Variants in ADGRL3 observed in about 807,000 individuals in gnomAD.
The protein encoded by ADGRL3 is calcium-independent alpha-latrotoxin receptor 3.
A neutral mutation model predicts 153.5 loss-of-function variants in ADGRL3; 62 were observed. The observed-to-expected ratio is 0.40, with a 90% CI of 0.33 to 0.50. The LOEUF is 0.50. ADGRL3 is among the 20% of genes least tolerant of loss of function. The probability of loss-of-function intolerance (pLI) is 0.47; values close to 1 mark genes in which losing one functional copy is unlikely to be tolerated. For missense variants in ADGRL3, 1,641 were observed against 1,859.4 expected (o/e 0.88, Z 2.16); for synonymous variants, 710 against 672.5 (o/e 1.06, Z -0.86).
chr4:61,949,499 A>T (rs2098938825), intron 17 of ADGRL3, among the ~76,000 whole-genome samples: 2 of 152,064 alleles, frequency 1.3e-5, no homozygotes, highest in Non-Finnish European at 2.9e-5. Flanking sequence ...GGAGTTAGAG[A>T]CCAGACTGAC....
intron 17 of ADGRL3, 85 bp downstream of exon 17, chr4:61,948,361 T>C (rs1202629609): frequency 1.1e-6 from 1 of 927,432 alleles, no homozygotes; most frequent in African/African-American, 1.7e-5. Context: ...TGGGCTATCA[T>C]ATTTCAATGT....
chr4:61,805,792 T>A (rs2097547064), intron 8 of ADGRL3, among the ~76,000 whole-genome samples: 1 of 152,178 alleles, frequency 6.6e-6, no homozygotes, highest in Non-Finnish European at 1.5e-5. Context: ...CTACTTTACA[T>A]AGGGATATTG....
intron 17 of ADGRL3, among the ~76,000 whole-genome samples, chr4:61,971,123 T>A (rs1200968536): frequency 6.6e-6 from 1 of 151,916 alleles, no homozygotes; most frequent in African/African-American, 2.4e-5. Context: ...AGAGGCAATT[T>A]AATTTTTTAA....
chr4:61,755,504 A>G (rs2096816270), intron 8 of ADGRL3, among the ~76,000 whole-genome samples: 1 of 152,060 alleles, frequency 6.6e-6, no homozygotes. Context: ...AGTTCATTGT[A>G]GATTCTGGAT....
chr4:61,535,548 T>C (rs573456679), intron 4 of ADGRL3, among the ~76,000 whole-genome samples: 1 of 152,240 alleles, frequency 6.6e-6, no homozygotes, highest in South Asian at 2.1e-4. Flanking sequence ...AGAATTCAGG[T>C]GTGAATCCAC....
In ADGRL3 at chr4:61,434,122, G is replaced by T. The variant is rs558381600; in HGVS notation, c.-174+50933G>T. Among the ~76,000 whole-genome samples the T allele has an allele frequency of 3.3e-5, 5 of 152,192 alleles. No homozygotes were observed. In the South Asian group the frequency reaches 6.2e-4, roughly 19 times the overall value. On this transcript the variant is annotated intron_variant, in intron 2 of 26. Coordinates refer to ENST00000683033, the MANE Select transcript of ADGRL3 (RefSeq NM_001387552.1). ...AGCAATTAGTTCTGTTTCGGATCTGGTTATTTTTCAAGTGCTTAGATCAAT... is the reference window on the plus strand; with the variant it reads ...AGCAATTAGTTCTGTTTCGGATCTGTTTATTTTTCAAGTGCTTAGATCAAT...
intron 1 of ADGRL3, among the ~76,000 whole-genome samples, chr4:61,234,232 G>A (rs568299491): frequency 5.9e-5 from 9 of 152,160 alleles, no homozygotes; most frequent in East Asian, 1.9e-4. Context: ...TGGTTAGGGC[G>A]GCCTCAGAAT....
chr4:61,876,440 T>C (rs1378930083), intron 9 of ADGRL3, among the ~76,000 whole-genome samples: 1 of 152,200 alleles, frequency 6.6e-6, no homozygotes, highest in Non-Finnish European at 1.5e-5. Context: ...ATGACCACTT[T>C]CCAGCAAGAA....
intron 1 of ADGRL3, among the ~76,000 whole-genome samples, chr4:61,380,332 C>G (rs984327480): frequency 1.3e-5 from 2 of 151,966 alleles, no homozygotes; most frequent in Admixed American, 6.6e-5. Flanking sequence ...TTCATACCAA[C>G]TAGAGCAGTG....
chr4:61,995,123 C>T lies in ADGRL3; in HGVS notation c.3237-1168C>T, dbSNP rs138604688. 2.6e-4 allele frequency among the ~76,000 whole-genome samples: 40 copies of T among 151,968 alleles called. 1 individual carries two copies. The highest frequency in any genetic ancestry group is 9.2e-4 in the African/African-American group (38 of 41,466). On this transcript the variant is annotated intron_variant, in intron 19 of 26. Transcript: ENST00000683033. ...TTTGCCATGTTGCCTAGGCTGGTCT[C>T]AAACTGCTGGGCTCTAGTGAATCAC...
rs192529404 is a variant in ADGRL3 at position 62,074,244 on chromosome 4, C to T, written c.*3336C>T. 3.9e-5 allele frequency: 6 copies of T among 152,148 alleles called. No individual in the cohort carries two copies. Among genetic ancestry groups the T allele is most frequent in the Admixed American group, 3.9e-4 (6 of 15,258 alleles). 9.4% of individuals were successfully genotyped at this position (152,148 alleles called of 1,614,324 possible). On this transcript the variant is annotated 3_prime_UTR_variant, in exon 27 of 27. Transcript: ENST00000683033. ...GATGTAGTATACCGCTATAATACAG[C>T]TTATTTAGCCAGCTAGAAGTAAAAC...
At chr4:61,585,201 C>G (rs79889244) in intron 4 of ADGRL3, among the ~76,000 whole-genome samples, 1 of 151,812 alleles carries the variant, frequency 6.6e-6, no homozygotes, top group Non-Finnish European at 1.5e-5. Context: ...TGAACACCAA[C>G]CAGAATGGAA....
At chr4:61,609,020 T>TA (rs951245021) in intron 5 of ADGRL3, among the ~76,000 whole-genome samples, 3 of 152,168 alleles carry the variant, frequency 2.0e-5, no homozygotes, top group Non-Finnish European at 4.4e-5. Flanking sequence ...CTTTACAGTT[T>TA]AGCATTCAGT....
rs1352737558 is a variant in ADGRL3 at position 61,951,547 on chromosome 4, G to A, written c.2805+3271G>A. Among the ~76,000 whole-genome samples, 3 of 152,192 alleles carry A rather than the reference G, an allele frequency of 2.0e-5. No homozygotes were observed. The South Asian group carries it at 6.2e-4, about 31-fold the overall frequency. ...AGATTATTCCCAATTCTATGTGGAT[G>A]ATAGATGTCAATTAGATTTCAACTT... On this transcript the variant is annotated intron_variant, in intron 17 of 26. Coordinates refer to ENST00000683033, the MANE Select transcript of ADGRL3 (RefSeq NM_001387552.1).
chr4:61,672,283 C>T (rs1406247817), intron 5 of ADGRL3, among the ~76,000 whole-genome samples: 1 of 152,096 alleles, frequency 6.6e-6, no homozygotes, highest in Non-Finnish European at 1.5e-5. Context: ...TATCCAGTTT[C>T]CCCAGCCTCC....
At chr4:61,551,997 A>C (rs2098742539) in intron 4 of ADGRL3, among the ~76,000 whole-genome samples, 1 of 152,178 alleles carries the variant, frequency 6.6e-6, no homozygotes. Flanking sequence ...CACTCCACTA[A>C]GGGGTAAGTA....
intron 2 of ADGRL3, among the ~76,000 whole-genome samples, chr4:61,481,726 A>G (rs2098133823): frequency 6.6e-6 from 1 of 152,098 alleles, no homozygotes; most frequent in Non-Finnish European, 1.5e-5. Context: ...GATATACTAT[A>G]GAGGAAAAAG....
intron 3 of ADGRL3, among the ~76,000 whole-genome samples, chr4:61,516,129 A>AT (rs1178340379): frequency 3.3e-5 from 5 of 152,056 alleles, no homozygotes; most frequent in South Asian, 2.1e-4. Flanking sequence ...TCTTAATATG[A>AT]TTTTTTTCCA....
intron 1 of ADGRL3, among the ~76,000 whole-genome samples, chr4:61,243,823 C>T (rs1242266050): frequency 2.0e-5 from 3 of 151,974 alleles, no homozygotes; most frequent in South Asian, 4.2e-4. Context: ...GATTTTAATA[C>T]GGTCATCATA....
Sources: allele counts gnomAD v4.1 joint callset (sites outside exome capture counted in the v4.1 genomes callset), GRCh38; gene constraint gnomAD v4.1.1; transcripts MANE v1.5; gene names NCBI Gene and HGNC (gene_info 2026-07-23, HGNC 2026-07-21).